Variants in PGM2L1 observed in about 807,000 individuals in gnomAD.
PGM2L1 encodes the protein phosphoglucomutase 2 like 1, also known as glucose 1,6-bisphosphate synthase.
A neutral mutation model predicts 73.4 loss-of-function variants in PGM2L1; 35 were observed. That is an observed-to-expected ratio of 0.48 (90% CI 0.36 to 0.63). The LOEUF (loss-of-function observed/expected upper bound fraction) is 0.63. PGM2L1 is among the 30% of genes least tolerant of loss of function. The pLI is 0.00. For missense variants in PGM2L1, 570 were observed against 742.0 expected, an observed-to-expected ratio of 0.77 and a Z score of 2.69; for synonymous variants, 225 against 253.8, an observed-to-expected ratio of 0.89 and a Z score of 1.08.
chr11:74,377,160 A>T (rs998053515), intron 1 of PGM2L1, among the ~76,000 whole-genome samples: 1 of 147,348 alleles, frequency 6.8e-6, no homozygotes, highest in Non-Finnish European at 1.5e-5. Context: ...TTTGAGACGG[A>T]GTCTCGCTCT....
rs1417660338 is a variant in PGM2L1, at chr11:74,332,290, C to T, written c.*4362G>A. ...TCCTCATCAGTTTCTAGAACAATCT[C>T]AGATGACAAGTGAATTGTAAAAGGC... On this transcript the variant is annotated 3_prime_UTR_variant, in exon 14 of 14. Coordinates refer to ENST00000298198, the MANE Select transcript of PGM2L1 (RefSeq NM_173582.6). 1.3e-5 allele frequency: 2 copies of T among 152,144 alleles called. No homozygotes were observed. The highest frequency in any genetic ancestry group is 2.9e-5 in the Non-Finnish European group (2 of 68,024). 9.4% of individuals were successfully genotyped at this position (152,144 alleles called of 1,614,324 possible). A position where few individuals can be genotyped will look rare whatever the true frequency, so the allele number is the denominator to read the frequency against.
Position 74,330,569 on chromosome 11 carries a change from G to T in PGM2L1, c.*6083C>A, listed in dbSNP as rs1591157368. On this transcript the variant is annotated 3_prime_UTR_variant, in exon 14 of 14. Transcript: ENST00000298198. ...ATAAATTTTACCTGGCATATTCAAT[G>T]AGGCATACAAAGAGTTTATTCTAGC... 1 of 152,724 alleles carries T rather than the reference G, an allele frequency of 6.5e-6. No individual in the cohort carries two copies. Among genetic ancestry groups the T allele is most frequent in the East Asian group, 1.9e-4 (1 of 5,190 alleles). 9.5% of individuals were successfully genotyped at this position (152,724 alleles called of 1,614,324 possible). A position where few individuals can be genotyped will look rare whatever the true frequency, so the allele number is the denominator to read the frequency against.
intron 1 of PGM2L1, among the ~76,000 whole-genome samples, chr11:74,384,745 T>C (rs910661746): frequency 1.3e-5 from 2 of 152,290 alleles, no homozygotes; most frequent in African/African-American, 4.8e-5. Flanking sequence ...TAATCCAATT[T>C]CCAAGCCATC....
intron 5 of PGM2L1, chr11:74,355,850 C>G (rs1862443446): frequency 1.4e-5 from 6 of 430,822 alleles, no homozygotes; most frequent in South Asian, 9.9e-5. Flanking sequence ...TGCGACAAGA[C>G]ATATTTTAGA....
chr11:74,396,266 TAAAA>T lies in PGM2L1; in HGVS notation c.111+1781_111+1784del, dbSNP rs141051355. 3.2e-3 allele frequency among the ~76,000 whole-genome samples: 442 copies of T among 139,480 alleles called. 1 individual carries two copies. Among genetic ancestry groups the T allele is most frequent in the African/African-American group, 4.4e-3 (164 of 37,446 alleles). 91.5% of individuals were successfully genotyped at this position (139,480 alleles called of 152,430 possible). A position where few individuals can be genotyped will look rare whatever the true frequency, so the allele number is the denominator to read the frequency against. ...CTGGACAACACGGTGAGACCCTGTT[TAAAA>T]AAAAAAAAAAAAATCAATCAGGAGA... On this transcript the variant is annotated intron_variant, in intron 1 of 13. Coordinates refer to ENST00000298198, the MANE Select transcript of PGM2L1 (RefSeq NM_173582.6).
chr11:74,368,406 C>T (rs1206022809), intron 5 of PGM2L1, 86 bp downstream of exon 5: 53 of 1,176,534 alleles, frequency 4.5e-5, no homozygotes, highest in Non-Finnish European at 5.5e-5. Context: ...CTCTGCTCTC[C>T]AGTATAGAAA....
chr11:74,362,636 A>G (rs1259688628), intron 5 of PGM2L1, among the ~76,000 whole-genome samples: 1 of 152,220 alleles, frequency 6.6e-6, no homozygotes, highest in Non-Finnish European at 1.5e-5. Context: ...AGTGTGCTGT[A>G]TTCAGGAGAC....
At chr11:74,397,081 C>T (rs528635685) in intron 1 of PGM2L1, among the ~76,000 whole-genome samples, 1 of 152,260 alleles carries the variant, frequency 6.6e-6, no homozygotes, top group African/African-American at 2.4e-5. Context: ...GAAAGTGAAG[C>T]CTTAAGGAAA....
intron 2 of PGM2L1, among the ~76,000 whole-genome samples, chr11:74,374,213 A>G (rs1012580273): frequency 1.3e-5 from 2 of 152,100 alleles, no homozygotes. Context: ...CCTCCCGGGT[A>G]GCTGGGACTA....
At chr11:74,343,921 G>C (rs976967847) in intron 9 of PGM2L1, among the ~76,000 whole-genome samples, 1 of 151,692 alleles carries the variant, frequency 6.6e-6, no homozygotes, top group African/African-American at 2.4e-5. Flanking sequence ...TAGGATTACA[G>C]GTGTGCCACC....
At chr11:74,398,014 G>C in intron 1 of PGM2L1, 37 bp downstream of exon 1, 1 of 1,570,242 alleles carries the variant, frequency 6.4e-7, no homozygotes, top group Non-Finnish European at 8.6e-7. Flanking sequence ...CTGTGTGGGG[G>C]AGGCGACGGC....
chr11:74,350,101 CAGAA>C (rs1862327073), intron 6 of PGM2L1, among the ~76,000 whole-genome samples: 1 of 152,026 alleles, frequency 6.6e-6, no homozygotes, highest in South Asian at 2.1e-4. Context: ...TAAGAAAAGA[CAGAA>C]AGGATAAAAA....
intron 5 of PGM2L1, among the ~76,000 whole-genome samples, chr11:74,363,057 T>G (rs1862592192): frequency 6.6e-6 from 1 of 152,056 alleles, no homozygotes; most frequent in South Asian, 2.1e-4. Context: ...CACAGTGCAA[T>G]CAAACTAGAA....
At chr11:74,373,652 GAT>G (rs1862809409) in intron 2 of PGM2L1, among the ~76,000 whole-genome samples, 1 of 152,122 alleles carries the variant, frequency 6.6e-6, no homozygotes, top group South Asian at 2.1e-4. Context: ...CTCTCATGTG[GAT>G]ATAGAAAACC....
At position 74,346,815 on chromosome 11, in the gene PGM2L1, T is replaced by C. The variant is rs1862274200; in HGVS notation, c.954A>G (p.Arg318=). ...EGESVLELSL[R]LAEKENARVV... The stretch of plus-strand genomic sequence containing the variant: ...CCCGGGCATTTTCTTTCTCTGCCAG[T>C]CTCAAGGAAAGTTCCTGAAACAGTG... Residue 318 remains arginine (R), a synonymous_variant, in exon 8 of 14, where the codon AGA becomes AGG. Coordinates refer to ENST00000298198, the MANE Select transcript of PGM2L1 (RefSeq NM_173582.6). The C allele has an allele frequency of 1.2e-6, 2 of 1,613,806 alleles. No individual in the cohort carries two copies. Among genetic ancestry groups the C allele is most frequent in the South Asian group, 2.2e-5 (2 of 91,088 alleles).
At position 74,336,082 on chromosome 11, in the gene PGM2L1, A is replaced by G. The variant is rs1412365126; in HGVS notation, c.*570T>C. The G allele has an allele frequency of 2.0e-5, 3 of 152,274 alleles. No homozygotes were observed. In the East Asian group the frequency reaches 5.8e-4, roughly 29 times the overall value. 9.4% of individuals were successfully genotyped at this position (152,274 alleles called of 1,614,324 possible). On this transcript the variant is annotated 3_prime_UTR_variant, in exon 14 of 14. Transcript: ENST00000298198. The stretch of plus-strand genomic sequence containing the variant: ...GGGCACCTGAAACAGACATGCCAAA[A>G]CCACACACTGTAACATCTGTTCTAA...
chr11:74,393,977 G>GA (rs35648968), intron 1 of PGM2L1, among the ~76,000 whole-genome samples: 16 of 149,062 alleles, frequency 1.1e-4, no homozygotes, highest in Middle Eastern at 3.5e-3. Context: ...AGAAAGCACT[G>GA]AAAAAAAAAA....
intron 5 of PGM2L1, among the ~76,000 whole-genome samples, chr11:74,356,539 T>C (rs773809044): frequency 1.3e-5 from 2 of 152,216 alleles, no homozygotes; most frequent in Non-Finnish European, 2.9e-5. Flanking sequence ...CGAGCCTCTC[T>C]AAATTAATAC....
intron 5 of PGM2L1, chr11:74,355,240 A>G (rs1862425266): frequency 7.5e-7 from 1 of 1,330,792 alleles, no homozygotes; most frequent in South Asian, 1.2e-5. Context: ...GATTTTGGCA[A>G]TTACAACAAT....
Sources: allele counts gnomAD v4.1 joint callset (sites outside exome capture counted in the v4.1 genomes callset), GRCh38; gene constraint gnomAD v4.1.1; transcripts MANE v1.5; gene names NCBI Gene and HGNC (gene_info 2026-07-23, HGNC 2026-07-21).